The following AHI1 variants were observed in gnomAD, a reference collection of about 807,000 sequenced individuals.
The protein encoded by AHI1 is jouberin.
In AHI1, 123 loss-of-function variants were observed where a neutral mutation model predicts 149.3. That is an observed-to-expected ratio of 0.82 (90% CI 0.71 to 0.96). AHI1 has a LOEUF of 0.96. Ranked by LOEUF, AHI1 falls within the 40% of genes least tolerant of loss-of-function variation. The probability of loss-of-function intolerance (pLI) is 0.00; values close to 1 mark genes in which losing one functional copy is unlikely to be tolerated. For missense variants in AHI1, 1,439 were observed against 1,422.7 expected (o/e 1.01, Z -0.18); for synonymous variants, 475 against 459.8 (o/e 1.03, Z -0.42).
At chr6:135,489,766 C>T (rs896435972) in intron 5 of AHI1, among the ~76,000 whole-genome samples, 6 of 151,942 alleles carry the variant, frequency 3.9e-5, no homozygotes, top group Non-Finnish European at 7.4e-5. Context: ...TTTTGCCTCA[C>T]TTCAGAATTT....
At chr6:135,428,844 A>C (rs974023567) in intron 18 of AHI1, 85 bp from the exon 19 acceptor site, 20 of 1,233,598 alleles carry the variant, frequency 1.6e-5, no homozygotes, top group East Asian at 7.8e-5. Flanking sequence ...TTAAATACTT[A>C]ATTTCCATTC....
At chr6:135,453,277 G>T in intron 11 of AHI1, 64 bp downstream of exon 11, 1 of 1,269,110 alleles carries the variant, frequency 7.9e-7, no homozygotes, top group Non-Finnish European at 1.1e-6. Context: ...ACTGATTTGG[G>T]AGAAAGCAGC....
At chr6:135,432,825 T>A (rs1418117764) in intron 16 of AHI1, among the ~76,000 whole-genome samples, 2 of 152,154 alleles carry the variant, frequency 1.3e-5, no homozygotes, top group East Asian at 1.9e-4. Flanking sequence ...ATTAATTGAA[T>A]CTAAATGTTT....
chr6:135,477,514 C>G (rs1486321486), intron 5 of AHI1, among the ~76,000 whole-genome samples: 1 of 152,174 alleles, frequency 6.6e-6, no homozygotes, highest in Non-Finnish European at 1.5e-5. Flanking sequence ...ACCCAAATCT[C>G]ATGTTGAATT....
intron 26 of AHI1, among the ~76,000 whole-genome samples, chr6:135,304,859 G>A (rs1162573951): frequency 6.6e-6 from 1 of 152,148 alleles, no homozygotes; most frequent in Non-Finnish European, 1.5e-5. Context: ...TATCTGTGGG[G>A]CAGCATAATT....
chr6:135,411,209 C>T, intron 21 of AHI1, 139 bp downstream of exon 21: 1 of 800,582 alleles, frequency 1.2e-6, no homozygotes, highest in South Asian at 1.9e-5. Context: ...GGAATAAGTA[C>T]CTGAAAGGAA....
At chr6:135,422,319 G>A (rs1348548673) in intron 20 of AHI1, among the ~76,000 whole-genome samples, 1 of 152,008 alleles carries the variant, frequency 6.6e-6, no homozygotes, top group East Asian at 1.9e-4. Flanking sequence ...GCCTAGGATT[G>A]TCTCAAACAT....
chr6:135,359,880 T>C (rs1307564643), intron 23 of AHI1, among the ~76,000 whole-genome samples: 10 of 152,112 alleles, frequency 6.6e-5, no homozygotes, highest in Non-Finnish European at 1.2e-4. Context: ...ATATACAGTT[T>C]ATACAATACC....
intron 11 of AHI1, among the ~76,000 whole-genome samples, chr6:135,449,329 T>A (rs1276677682): frequency 2.0e-5 from 3 of 152,216 alleles, no homozygotes; most frequent in Admixed American, 1.3e-4. Context: ...GGATTACAGT[T>A]GTGAGCCACC....
intron 5 of AHI1, among the ~76,000 whole-genome samples, chr6:135,470,902 A>G (rs1791583716): frequency 6.6e-6 from 1 of 152,208 alleles, no homozygotes; most frequent in Admixed American, 6.5e-5. Context: ...AGTCCTACAC[A>G]TGTATCCTGG....
At chr6:135,388,146 T>C (rs1777890589) in intron 23 of AHI1, 2 of 1,153,888 alleles carry the variant, frequency 1.7e-6, no homozygotes, top group Non-Finnish European at 1.2e-6. Context: ...GTTAATTTTG[T>C]AGATTACCTA....
chr6:135,363,635 G>A (rs1237371049), intron 23 of AHI1, among the ~76,000 whole-genome samples: 1 of 151,420 alleles, frequency 6.6e-6, no homozygotes, highest in Non-Finnish European at 1.5e-5. Flanking sequence ...CCGGGCAGAG[G>A]CGCCCCTCAC....
intron 23 of AHI1, among the ~76,000 whole-genome samples, chr6:135,376,921 A>AAAAAAAAAAAAAAAAAAAAAAAAG (rs1776025303): frequency 7.8e-6 from 1 of 128,690 alleles, no homozygotes; most frequent in African/African-American, 2.9e-5. Context: ...AAAAAAAAAA[A>AAAAAAAAAAAAAAAAAAAAAAAAG]GTTGGTCCAG....
chr6:135,380,749 A>C (rs1171085550), intron 23 of AHI1, among the ~76,000 whole-genome samples: 1 of 129,928 alleles, frequency 7.7e-6, no homozygotes, highest in Admixed American at 7.9e-5. Flanking sequence ...CCCCCCAAAA[A>C]AAAAGTACAA....
At chr6:135,313,345 T>G (rs1785478295) in intron 26 of AHI1, among the ~76,000 whole-genome samples, 1 of 152,210 alleles carries the variant, frequency 6.6e-6, no homozygotes, top group South Asian at 2.1e-4. Context: ...ACAAAAGAAA[T>G]CCACGCATCT....
intron 20 of AHI1, among the ~76,000 whole-genome samples, chr6:135,417,984 CTT>C (rs1222117718): frequency 6.6e-6 from 1 of 151,812 alleles, no homozygotes; most frequent in Non-Finnish European, 1.5e-5. Context: ...TTCTAAAACA[CTT>C]TGACATAGGC....
At chr6:135,468,679 C>T (rs921596138) in intron 5 of AHI1, among the ~76,000 whole-genome samples, 1 of 152,008 alleles carries the variant, frequency 6.6e-6, no homozygotes, top group African/African-American at 2.4e-5. Flanking sequence ...CCCCATCGAC[C>T]CCACAGAAAT....
chr6:135,394,985 A>G (rs1779024491), intron 22 of AHI1, 89 bp from the exon 23 acceptor site: 1 of 1,353,754 alleles, frequency 7.4e-7, no homozygotes, highest in South Asian at 1.3e-5. Context: ...CTTATTATAC[A>G]AACCAGGACA....
At chr6:135,496,941 C>T (rs1179357061) in intron 2 of AHI1, among the ~76,000 whole-genome samples, 1 of 152,224 alleles carries the variant, frequency 6.6e-6, no homozygotes. Flanking sequence ...AAGAAGCAAT[C>T]TTCCTCCTAA....
Sources: gnomAD v4.1 joint callset for allele counts (sites outside exome capture counted in the v4.1 genomes callset) on GRCh38, gnomAD v4.1.1 for gene constraint, MANE v1.5 for transcripts, NCBI Gene and HGNC (gene_info 2026-07-23, HGNC 2026-07-21) for gene names.